Variants in SLC35F4 observed in about 807,000 individuals in gnomAD.
SLC35F4 encodes the protein chromosome 14 open reading frame 36.
A neutral mutation model predicts 44.2 loss-of-function variants in SLC35F4; 24 were observed. The observed-to-expected ratio is 0.54, with a 90% CI of 0.39 to 0.76. The LOEUF is 0.76. Ranked by LOEUF, SLC35F4 falls within the 30% of genes least tolerant of loss-of-function variation. The pLI is 0.00. For missense variants in SLC35F4, 562 were observed against 586.1 expected, an observed-to-expected ratio of 0.96 and a Z score of 0.42; for synonymous variants, 238 against 223.6, an observed-to-expected ratio of 1.06 and a Z score of -0.57.
chr14:57,686,058 T>C (rs913604500), intron 1 of SLC35F4, among the ~76,000 whole-genome samples: 8 of 152,178 alleles, frequency 5.3e-5, no homozygotes, highest in African/African-American at 1.9e-4. Flanking sequence ...TGTGGTTATG[T>C]CTTGGTTCTT....
chr14:57,748,323 C>A (rs1387295924), intron 1 of SLC35F4, among the ~76,000 whole-genome samples: 2 of 152,054 alleles, frequency 1.3e-5, no homozygotes, highest in East Asian at 3.9e-4. Flanking sequence ...TTAGTCTACT[C>A]AATTTTTATC....
intron 1 of SLC35F4, among the ~76,000 whole-genome samples, chr14:57,709,051 C>T (rs1401186729): frequency 6.6e-6 from 1 of 152,154 alleles, no homozygotes; most frequent in Admixed American, 6.5e-5. Flanking sequence ...GGAGCGTGAC[C>T]ACTGAAGCAC....
At chr14:57,583,519 G>T (rs2069453751) in intron 3 of SLC35F4, among the ~76,000 whole-genome samples, 1 of 152,156 alleles carries the variant, frequency 6.6e-6, no homozygotes, top group Non-Finnish European at 1.5e-5. Flanking sequence ...TTTGGATGCA[G>T]GAAAGGAACA....
At chr14:57,655,204 T>TA (rs2073925008) in intron 1 of SLC35F4, among the ~76,000 whole-genome samples, 7 of 152,114 alleles carry the variant, frequency 4.6e-5, no homozygotes, top group East Asian at 1.9e-4. Flanking sequence ...CTTCCTTTTT[T>TA]TAAAAAAAAT....
intron 6 of SLC35F4, among the ~76,000 whole-genome samples, chr14:57,568,229 G>T (rs1178247758): frequency 6.6e-6 from 1 of 152,226 alleles, no homozygotes; most frequent in Non-Finnish European, 1.5e-5. Context: ...ATACTGCTTG[G>T]TGGCGAATGC....
chr14:57,907,411 C>CCA (rs1460691141), intron 1 of SLC35F4, among the ~76,000 whole-genome samples: 4 of 152,184 alleles, frequency 2.6e-5, no homozygotes, highest in African/African-American at 9.6e-5. Flanking sequence ...GTGCCTGTAT[C>CCA]CACTTTGGGG....
rs192123742 is a variant in SLC35F4 at position 57,918,058 on chromosome 14, T to C, written n.282+63855A>G. On this transcript the variant is annotated intron_variant and non_coding_transcript_variant, in intron 1 of 1. Transcript: ENST00000556568. ...CAAGATTAGGCTCAGCAGTTGAGGA[T>C]CTGGTATAATAGTTTATCCTAAAGG... 4.3e-4 allele frequency among the ~76,000 whole-genome samples: 65 copies of C among 152,314 alleles called. No individual in the cohort carries two copies. In the East Asian group the frequency reaches 6.0e-3, roughly 14 times the overall value.
chr14:57,590,483 A>C (rs1164926388), intron 2 of SLC35F4, among the ~76,000 whole-genome samples: 1 of 152,148 alleles, frequency 6.6e-6, no homozygotes, highest in Non-Finnish European at 1.5e-5. Context: ...CACCTCACCA[A>C]TGACTAATAT....
intron 1 of SLC35F4, among the ~76,000 whole-genome samples, chr14:57,804,402 G>A (rs1881047176): frequency 6.6e-6 from 1 of 152,072 alleles, no homozygotes; most frequent in South Asian, 2.1e-4. Flanking sequence ...AAAAAAGCAA[G>A]GTACTGGTAG....
At chr14:57,836,481 C>T (rs1595175199) in intron 1 of SLC35F4, among the ~76,000 whole-genome samples, 1 of 151,956 alleles carries the variant, frequency 6.6e-6, no homozygotes, top group Non-Finnish European at 1.5e-5. Context: ...TTAGTAGAAA[C>T]GGGGTTTCAC....
chr14:57,901,535 A>G (rs559544584), intron 1 of SLC35F4, among the ~76,000 whole-genome samples: 1 of 152,088 alleles, frequency 6.6e-6, no homozygotes, highest in East Asian at 1.9e-4. Context: ...TGGGTGGGGT[A>G]GGGGAAGGGA....
At chr14:57,774,128 C>A (rs563528649) in intron 1 of SLC35F4, among the ~76,000 whole-genome samples, 1 of 152,162 alleles carries the variant, frequency 6.6e-6, no homozygotes, top group South Asian at 2.1e-4. Flanking sequence ...ATAGGGATGA[C>A]TGGCAGGCTA....
intron 1 of SLC35F4, among the ~76,000 whole-genome samples, chr14:57,730,154 T>C (rs749789412): frequency 1.4e-4 from 22 of 152,216 alleles, no homozygotes; most frequent in Non-Finnish European, 2.8e-4. Context: ...CTTTTGGCAA[T>C]ATGAAGTAAA....
intron 4 of SLC35F4, among the ~76,000 whole-genome samples, chr14:57,577,934 A>AAAT (rs890993803): frequency 6.6e-6 from 1 of 152,232 alleles, no homozygotes; most frequent in African/African-American, 2.4e-5. Flanking sequence ...AAATGGGCTG[A>AAAT]AATGACTTCA....
chr14:57,768,817 A>G (rs1389175356), intron 1 of SLC35F4, among the ~76,000 whole-genome samples: 1 of 152,138 alleles, frequency 6.6e-6, no homozygotes, highest in Non-Finnish European at 1.5e-5. Flanking sequence ...CAGTAGCGCA[A>G]TCTCGGCTCA....
At chr14:57,856,294 C>A (rs919987566) in intron 1 of SLC35F4, among the ~76,000 whole-genome samples, 1 of 152,038 alleles carries the variant, frequency 6.6e-6, no homozygotes, top group African/African-American at 2.4e-5. Flanking sequence ...ACATTCTGCA[C>A]ATGTACCCCA....
chr14:57,904,309 C>T (rs1187233269), intron 1 of SLC35F4, among the ~76,000 whole-genome samples: 4 of 152,286 alleles, frequency 2.6e-5, no homozygotes, highest in Non-Finnish European at 4.4e-5. Context: ...CTCTCCTGCT[C>T]GGTCTGTTGA....
intron 1 of SLC35F4, among the ~76,000 whole-genome samples, chr14:57,733,732 G>T (rs1396576471): frequency 1.3e-5 from 2 of 151,910 alleles, no homozygotes; most frequent in Admixed American, 1.3e-4. Flanking sequence ...GAGTACTTTT[G>T]CTTCCAAGTG....
chr14:57,692,157 AT>A (rs2075253057), intron 1 of SLC35F4, among the ~76,000 whole-genome samples: 1 of 152,222 alleles, frequency 6.6e-6, no homozygotes, highest in Admixed American at 6.5e-5. Context: ...AATTCTCTAT[AT>A]TGCATCCAAT....
Sources: allele counts gnomAD v4.1 joint callset (sites outside exome capture counted in the v4.1 genomes callset), GRCh38; gene constraint gnomAD v4.1.1; transcripts MANE v1.5; gene names NCBI Gene and HGNC (gene_info 2026-07-23, HGNC 2026-07-21).